Variants in DEXI observed in about 807,000 individuals in gnomAD.
The protein encoded by DEXI is dexamethasone-induced protein.
DEXI carries 2 observed loss-of-function variants against 2.5 expected under a neutral mutation model. That is an observed-to-expected ratio of 0.81 (90% CI 0.33 to 2.55). The LOEUF (loss-of-function observed/expected upper bound fraction) is 2.55. Ranked by LOEUF, DEXI falls within the 30% of genes most tolerant of loss-of-function variation. The probability of loss-of-function intolerance (pLI) is 0.11; values close to 1 mark genes in which losing one functional copy is unlikely to be tolerated. For synonymous variants in DEXI, 71 were observed against 68.7 expected (o/e 1.03, Z -0.17); for missense variants, 108 against 130.3 (o/e 0.83, Z 0.83).
rs1359831181 is a variant in DEXI at position 10,934,010 on chromosome 16, GA to G, written c.*150-4452del. 8 of 152,214 alleles carry G rather than the reference GA, an allele frequency of 5.3e-5. No homozygotes were observed. Among genetic ancestry groups the G allele is most frequent in the Admixed American group, 3.3e-4 (5 of 15,288 alleles). 9.4% of individuals were successfully genotyped at this position (152,214 alleles called of 1,614,324 possible). A position where few individuals can be genotyped will look rare whatever the true frequency, so the allele number is the denominator to read the frequency against. ...CTCTGCACAGGTCCATGTCCCTGAGGAAAGCCAACGTCACAGAGAAATGATG... is the reference window on the plus strand; with the variant it reads ...CTCTGCACAGGTCCATGTCCCTGAGGAAGCCAACGTCACAGAGAAATGATG... On this transcript the variant is annotated intron_variant, in intron 1 of 1. Transcript: ENST00000331808. This position sits in a 1 kb window ranked among gnomAD's most constrained non-coding sequence, Gnocchi z 4.2.
rs1309946370 is a variant in DEXI, at chr16:10,934,283, TA to T, written c.*150-4725del. 6.6e-6 allele frequency: 1 copy of T among 152,358 alleles called. No homozygotes were observed. Among genetic ancestry groups the T allele is most frequent in the Non-Finnish European group, 1.5e-5 (1 of 68,032 alleles). The allele number at this position is 152,358 out of a possible 1,614,324, so 9.4% of individuals were successfully genotyped here. A position where few individuals can be genotyped will look rare whatever the true frequency, so the allele number is the denominator to read the frequency against. ...TACTTTTTAAACTCCAATTTTTTAA[TA>T]AGATCATTTATGTCACCATATAACA... is the stretch of plus-strand genomic sequence containing the variant. On this transcript the variant is annotated intron_variant, in intron 1 of 1. Coordinates refer to ENST00000331808, the MANE Select transcript of DEXI (RefSeq NM_014015.4). The surrounding 1 kb of genome is among the most constrained non-coding windows in gnomAD (Gnocchi z 4.2).
intron 1 of DEXI, chr16:10,936,434 AC>A (rs2041023917): frequency 6.6e-6 from 1 of 152,230 alleles, no homozygotes; most frequent in Non-Finnish European, 1.5e-5. Flanking sequence ...TATGAAAATT[AC>A]ACATATACAC....
At position 10,929,248 on chromosome 16, in the gene DEXI, T is replaced by C; in HGVS notation, c.*461A>G. 1.0e-6 allele frequency: 1 copy of C among 985,934 alleles called. No homozygotes were observed. Among genetic ancestry groups the C allele is most frequent in the Non-Finnish European group, 1.2e-6 (1 of 829,964 alleles). The allele number at this position is 985,934 out of a possible 1,614,324, so 61.1% of individuals were successfully genotyped here. On this transcript the variant is annotated 3_prime_UTR_variant, in exon 2 of 2. Coordinates refer to ENST00000331808, the MANE Select transcript of DEXI (RefSeq NM_014015.4). This position sits in a 1 kb window ranked among gnomAD's most constrained non-coding sequence, Gnocchi z 4.3. ...CGGAGCTGGGAGTCGCTTTTGCGTG[T>C]GTCCGCAGTTTGAAGTGTCCTCTCC...
At chr16:10,936,152 C>T (rs573238339) in intron 1 of DEXI, 3 of 152,068 alleles carry the variant, frequency 2.0e-5, no homozygotes, top group South Asian at 4.2e-4. Context: ...CACAACACCT[C>T]GCTATTTTTT....
rs894986231 is a variant in DEXI at position 10,938,177 on chromosome 16, G to A, written c.*149+3392C>T. The A allele has an allele frequency of 6.6e-6, 1 of 152,146 alleles. No individual in the cohort carries two copies. Among genetic ancestry groups the A allele is most frequent in the Non-Finnish European group, 1.5e-5 (1 of 68,034 alleles). 9.4% of individuals were successfully genotyped at this position (152,146 alleles called of 1,614,324 possible). A position where few individuals can be genotyped will look rare whatever the true frequency, so the allele number is the denominator to read the frequency against. On this transcript the variant is annotated intron_variant, in intron 1 of 1. Transcript: ENST00000331808. The surrounding 1 kb of genome is among the most constrained non-coding windows in gnomAD (Gnocchi z 4.9). ...CTCACCTAATCCTCACAACAAGGGA[G>A]ATTTTCATTATTTCCATCTTCTAGA...
chr16:10,941,455 G>C lies in DEXI; in HGVS notation c.*149+114C>G. On this transcript the variant is annotated intron_variant, in intron 1 of 1. Coordinates refer to ENST00000331808, the MANE Select transcript of DEXI (RefSeq NM_014015.4). The surrounding 1 kb of genome is among the most constrained non-coding windows in gnomAD (Gnocchi z 6.4). ...TTCCTGGCATCCAGTTAGACCTGGA[G>C]GAGGTGAACGGAGGAGAAGCCTGAG... 1 of 1,069,310 alleles carries C rather than the reference G, an allele frequency of 9.4e-7. No individual in the cohort carries two copies. Among genetic ancestry groups the C allele is most frequent in the Non-Finnish European group, 1.2e-6 (1 of 816,790 alleles). The allele number at this position is 1,069,310 out of a possible 1,614,324, so 66.2% of individuals were successfully genotyped here. A position where few individuals can be genotyped will look rare whatever the true frequency, so the allele number is the denominator to read the frequency against.
chr16:10,941,486 G>A lies in DEXI; in HGVS notation c.*149+83C>T. ...GAACGGAGGAGAAGCCTGAGGGAGG[G>A]GTGTGTATCCGGCCTGGGAATTCCT... On this transcript the variant is annotated intron_variant, in intron 1 of 1. Coordinates refer to ENST00000331808, the MANE Select transcript of DEXI (RefSeq NM_014015.4). The surrounding 1 kb of genome is among the most constrained non-coding windows in gnomAD (Gnocchi z 6.4). The A allele has an allele frequency of 7.7e-7, 1 of 1,297,760 alleles. No individual in the cohort carries two copies. 80.4% of individuals were successfully genotyped at this position (1,297,760 alleles called of 1,614,324 possible). A position where few individuals can be genotyped will look rare whatever the true frequency, so the allele number is the denominator to read the frequency against.
Position 10,940,513 on chromosome 16 carries a change from A to G in DEXI, c.*149+1056T>C, listed in dbSNP as rs1156730900. ...CACCATATCTCAGCATCCCCTCTTC[A>G]TTGCCACTTAGACCCTGTGCCCAGT... On this transcript the variant is annotated intron_variant, in intron 1 of 1. Transcript: ENST00000331808. This position sits in a 1 kb window ranked among gnomAD's most constrained non-coding sequence, Gnocchi z 4.2. 6.6e-6 allele frequency: 1 copy of G among 152,172 alleles called. No individual in the cohort carries two copies. The highest frequency in any genetic ancestry group is 1.5e-5 in the Non-Finnish European group (1 of 68,078). The allele number at this position is 152,172 out of a possible 1,614,324, so 9.4% of individuals were successfully genotyped here. A position where few individuals can be genotyped will look rare whatever the true frequency, so the allele number is the denominator to read the frequency against.
Position 10,929,660 on chromosome 16 carries a change from G to T in DEXI, c.*150-101C>A. ...AATCCACCAGGCTCGGGAGGCTTGG[G>T]GTGGGGCAGGGAAGTCTTCCTCCAT... On this transcript the variant is annotated intron_variant, in intron 1 of 1. Coordinates refer to ENST00000331808, the MANE Select transcript of DEXI (RefSeq NM_014015.4). This position sits in a 1 kb window ranked among gnomAD's most constrained non-coding sequence, Gnocchi z 4.3. The T allele has an allele frequency of 1.4e-6, 1 of 701,258 alleles. No homozygotes were observed. Among genetic ancestry groups the T allele is most frequent in the Non-Finnish European group, 1.8e-6 (1 of 570,522 alleles). The allele number at this position is 701,258 out of a possible 1,614,324, so 43.4% of individuals were successfully genotyped here. A position where few individuals can be genotyped will look rare whatever the true frequency, so the allele number is the denominator to read the frequency against.
In DEXI at chr16:10,942,222, C is replaced by G; in HGVS notation, c.-217G>C. The G allele has an allele frequency of 2.5e-6, 1 of 401,898 alleles. No homozygotes were observed. Among genetic ancestry groups the G allele is most frequent in the Non-Finnish European group, 4.4e-6 (1 of 228,538 alleles). 24.9% of individuals were successfully genotyped at this position (401,898 alleles called of 1,614,324 possible). On this transcript the variant is annotated 5_prime_UTR_variant, in exon 1 of 2. Coordinates refer to ENST00000331808, the MANE Select transcript of DEXI (RefSeq NM_014015.4). This position sits in a 1 kb window ranked among gnomAD's most constrained non-coding sequence, Gnocchi z 5.0. Reference sequence around the variant, plus strand: ...CCGAGATGTGCCCCCAAGGATCTCTCGACCGCCCGGGCGGCGAGGCGGGCC... The same window carrying G: ...CCGAGATGTGCCCCCAAGGATCTCTGGACCGCCCGGGCGGCGAGGCGGGCC...
At chr16:10,930,123 T>C (rs1019179917) in intron 1 of DEXI, 1 of 152,414 alleles carries the variant, frequency 6.6e-6, no homozygotes, top group Non-Finnish European at 1.5e-5. Context: ...GCCTTCTCTG[T>C]GTGCCTAGCC....
chr16:10,936,192 C>T (rs1319644260), intron 1 of DEXI: 4 of 151,980 alleles, frequency 2.6e-5, no homozygotes, highest in African/African-American at 7.3e-5. Context: ...GACGGGGTCT[C>T]ACTATGTTGC....
chr16:10,941,832 G>A lies in DEXI; in HGVS notation c.174C>T (p.Phe58=), dbSNP rs1344043730. ...EYIVLNVGLV[F]LPEDMDQALV... is the part of the protein sequence containing the mutation. Reference sequence around the variant, plus strand: ...GCGCCTGGTCCATGTCCTCGGGCAGGAAGACGAGGCCCACGTTGAGGACGA... The same window carrying A: ...GCGCCTGGTCCATGTCCTCGGGCAGAAAGACGAGGCCCACGTTGAGGACGA... The change falls in exon 1 of 2, where the codon TTC becomes TTT. Residue 58 remains phenylalanine (F), a synonymous_variant. Coordinates refer to ENST00000331808, the MANE Select transcript of DEXI (RefSeq NM_014015.4). The surrounding 1 kb of genome is among the most constrained non-coding windows in gnomAD (Gnocchi z 6.4). 8 of 1,613,402 alleles carry A rather than the reference G, an allele frequency of 5.0e-6. No homozygotes were observed. The East Asian group carries it at 1.1e-4, about 22-fold the overall frequency.
rs1407428406 is a variant in DEXI, at chr16:10,941,691, G to C, written c.*27C>G. 4 of 1,585,594 alleles carry C rather than the reference G, an allele frequency of 2.5e-6. No homozygotes were observed. The highest frequency in any genetic ancestry group is 3.4e-6 in the Non-Finnish European group (4 of 1,164,774). ...CAGGGCATGGGTTGCGGATCGTGTA[G>C]GGAAGAGGGGAACAGCAGTCGAGAC... On this transcript the variant is annotated 3_prime_UTR_variant, in exon 1 of 2. Coordinates refer to ENST00000331808, the MANE Select transcript of DEXI (RefSeq NM_014015.4). This position sits in a 1 kb window ranked among gnomAD's most constrained non-coding sequence, Gnocchi z 6.4.
intron 1 of DEXI, chr16:10,931,488 G>A (rs916364419): frequency 2.0e-5 from 3 of 152,214 alleles, no homozygotes; most frequent in Admixed American, 6.5e-5. Context: ...GGTTTTCATT[G>A]TGTTTATCTG....
chr16:10,935,859 A>G (rs1220748655), intron 1 of DEXI: 1 of 152,258 alleles, frequency 6.6e-6, no homozygotes, highest in African/African-American at 2.4e-5. Context: ...CAATGTCACA[A>G]GAGAGAAAGA....
intron 1 of DEXI, chr16:10,935,537 G>A (rs2040990978): frequency 6.6e-6 from 1 of 152,148 alleles, no homozygotes; most frequent in South Asian, 2.1e-4. Flanking sequence ...ACATAAAAAA[G>A]TAGTTTTACA....
In DEXI at chr16:10,937,191, G is replaced by A. The variant is rs2041040549; in HGVS notation, c.*149+4378C>T. 6.6e-6 allele frequency: 1 copy of A among 152,348 alleles called. No homozygotes were observed. The highest frequency in any genetic ancestry group is 1.5e-5 in the Non-Finnish European group (1 of 68,138). The allele number at this position is 152,348 out of a possible 1,614,324, so 9.4% of individuals were successfully genotyped here. On this transcript the variant is annotated intron_variant, in intron 1 of 1. Transcript: ENST00000331808. This position sits in a 1 kb window ranked among gnomAD's most constrained non-coding sequence, Gnocchi z 4.2. ...CTGGGTGAGCCTCATGTCAGGAGCA[G>A]AGCTGGAGAGGTGGCCAGGCCTGGG...
Position 10,941,745 on chromosome 16 carries a change from G to A in DEXI, c.261C>T (p.Leu87=), listed in dbSNP as rs1393812044. The change falls in exon 1 of 2, where the codon CTC becomes CTT. Residue 87 remains leucine (L), a synonymous_variant. Transcript: ENST00000331808. The surrounding 1 kb of genome is among the most constrained non-coding windows in gnomAD (Gnocchi z 6.4). ...ACTCCAAGTACGCATCAAAGACGTC[G>A]AGCTCCGAGTCAGCATCGTAAAGGC... The part of the protein sequence containing the change: ...GSGLYDADSE[L]DVFDAYLE 2.7e-5 allele frequency: 44 copies of A among 1,611,906 alleles called. No individual in the cohort carries two copies. Among genetic ancestry groups the A allele is most frequent in the Non-Finnish European group, 3.6e-5 (42 of 1,178,964 alleles).
Sources: allele counts gnomAD v4.1 joint callset, GRCh38; gene constraint gnomAD v4.1.1; non-coding constraint Gnocchi (gnomAD v3.1); transcripts MANE v1.5; gene names NCBI Gene and HGNC (gene_info 2026-07-23, HGNC 2026-07-21).